Variants in GABRA3 observed in about 807,000 individuals in gnomAD.
GABRA3 encodes gamma-aminobutyric acid receptor subunit alpha-3.
A neutral mutation model predicts 30.1 loss-of-function variants in GABRA3; 10 were observed. The observed-to-expected ratio is 0.33, with a 90% CI of 0.20 to 0.56. The LOEUF is 0.56. GABRA3 is among the 20% of genes least tolerant of loss of function. GABRA3 has a pLI of 0.89. For synonymous variants in GABRA3, 151 were observed against 146.8 expected (o/e 1.03, Z -0.21); for missense variants, 233 against 392.0 (o/e 0.59, Z 3.42).
chrX:152,233,368 C>A (rs1007994005), intron 5 of GABRA3, among the ~76,000 whole-genome samples: 1 of 110,617 alleles, frequency 9.0e-6, no homozygotes, highest in Admixed American at 9.7e-5. Context: ...GTGTTTTAGC[C>A]ATCAAAAAGT....
intron 7 of GABRA3, among the ~76,000 whole-genome samples, chrX:152,205,445 TA>T (rs1370620051): frequency 8.9e-6 from 1 of 112,036 alleles, no homozygotes; most frequent in African/African-American, 3.2e-5. Context: ...TTTATAGCAT[TA>T]AAACACAGAA....
rs759620413 is a variant in GABRA3 at position 152,294,300 on chromosome X, T to C, written c.263-9565A>G. 3.6e-5 allele frequency among the ~76,000 whole-genome samples: 4 copies of C among 111,595 alleles called. No homozygotes were observed. The South Asian group carries it at 1.5e-3, about 42-fold the overall frequency. On this transcript the variant is annotated intron_variant, in intron 3 of 9. Transcript: ENST00000370314. Reference sequence around the variant, plus strand: ...GATTTGGTCTTTTCACATAGTCCCATATTTCTTGGAGGCTCCGTTTGTTTC... The same window carrying C: ...GATTTGGTCTTTTCACATAGTCCCACATTTCTTGGAGGCTCCGTTTGTTTC...
intron 3 of GABRA3, among the ~76,000 whole-genome samples, chrX:152,343,797 T>C (rs1387114665): frequency 8.9e-6 from 1 of 112,479 alleles, no homozygotes; most frequent in Non-Finnish European, 1.9e-5. Flanking sequence ...GTGTTTATTG[T>C]AGTACTATGG....
intron 3 of GABRA3, among the ~76,000 whole-genome samples, chrX:152,298,686 C>G (rs761823092): frequency 1.8e-5 from 2 of 111,064 alleles, no homozygotes; most frequent in Non-Finnish European, 3.8e-5. Context: ...AATAAACATA[C>G]GTGTGCATGT....
chrX:152,172,131 T>C (rs1937011216), intron 9 of GABRA3, among the ~76,000 whole-genome samples: 1 of 111,487 alleles, frequency 9.0e-6, no homozygotes, highest in South Asian at 3.8e-4. Flanking sequence ...AACAACTCAA[T>C]TTAAAAATGG....
At chrX:152,290,822 G>C (rs1603234868) in intron 3 of GABRA3, among the ~76,000 whole-genome samples, 1 of 111,716 alleles carries the variant, frequency 9.0e-6, no homozygotes, top group East Asian at 2.8e-4. Flanking sequence ...TCAGATAGTT[G>C]TAGATATGTG....
Position 152,358,195 on chromosome X carries a change from T to G in GABRA3, c.140+6236A>C, listed in dbSNP as rs140314456. 9.2e-3 allele frequency among the ~76,000 whole-genome samples: 1,034 copies of G among 111,855 alleles called. 7 individuals are homozygous for G. Among genetic ancestry groups the G allele is most frequent in the African/African-American group, 0.032 (984 of 30,772 alleles). ...TCTTCCTATCCATGTGCATGGAATTTTTTTCATTTGTTTGTGTCATCTCTG... is the reference window on the plus strand; with the variant it reads ...TCTTCCTATCCATGTGCATGGAATTGTTTTCATTTGTTTGTGTCATCTCTG... On this transcript the variant is annotated intron_variant, in intron 2 of 9. Coordinates refer to ENST00000370314, the MANE Select transcript of GABRA3 (RefSeq NM_000808.4).
Position 152,255,027 on chromosome X carries a change from T to C in GABRA3, c.551+751A>G, listed in dbSNP as rs182060118. On this transcript the variant is annotated intron_variant, in intron 5 of 9. Coordinates refer to ENST00000370314, the MANE Select transcript of GABRA3 (RefSeq NM_000808.4). ...TCAATGCCTAATAACTCTATGACAG[T>C]AACAAGTTATGAAATACATAAAATT... is the stretch of plus-strand genomic sequence containing the variant. 4.2e-3 allele frequency among the ~76,000 whole-genome samples: 467 copies of C among 111,983 alleles called. 2 individuals carry two copies. The highest frequency in any genetic ancestry group is 0.013 in the African/African-American group (403 of 30,919).
chrX:152,304,045 C>A (rs187760685), intron 3 of GABRA3, among the ~76,000 whole-genome samples: 6 of 111,964 alleles, frequency 5.4e-5, no homozygotes, highest in Non-Finnish European at 1.1e-4. Flanking sequence ...ATTTACATTT[C>A]TCTGATGATT....
At chrX:152,401,195 C>T (rs1051602424) in intron 1 of GABRA3, among the ~76,000 whole-genome samples, 1 of 108,726 alleles carries the variant, frequency 9.2e-6, no homozygotes, top group African/African-American at 3.4e-5. Context: ...AAAGATAATA[C>T]ACTTAGGCTC....
chrX:152,254,638 TCTC>T (rs748594912), intron 5 of GABRA3, among the ~76,000 whole-genome samples: 1 of 111,537 alleles, frequency 9.0e-6, no homozygotes, highest in African/African-American at 3.3e-5. Context: ...TCCTTGACCA[TCTC>T]CTCATCTTCC....
intron 7 of GABRA3, among the ~76,000 whole-genome samples, chrX:152,207,366 G>A (rs763464912): frequency 1.8e-5 from 2 of 111,484 alleles, no homozygotes; most frequent in African/African-American, 6.5e-5. Context: ...AGAATATATC[G>A]TCCCTCAGGC....
At chrX:152,264,296 A>G (rs1938782922) in intron 4 of GABRA3, among the ~76,000 whole-genome samples, 1 of 111,981 alleles carries the variant, frequency 8.9e-6, no homozygotes, top group South Asian at 3.7e-4. Context: ...CATAGACAGT[A>G]GAATAAGATA....
At chrX:152,404,881 A>G (rs1369832553) in intron 1 of GABRA3, among the ~76,000 whole-genome samples, 1 of 108,543 alleles carries the variant, frequency 9.2e-6, no homozygotes, top group Non-Finnish European at 1.9e-5. Flanking sequence ...AGTCTTAAAA[A>G]ATAGTTTAGA....
intron 2 of GABRA3, among the ~76,000 whole-genome samples, chrX:152,359,886 T>C (rs11798711): frequency 0.11 from 12,150 of 111,593 alleles, 531 homozygotes; most frequent in South Asian, 0.13. Flanking sequence ...AAAGTATTAA[T>C]TGCACTGGGC....
At chrX:152,206,991 C>T (rs1157322147) in intron 7 of GABRA3, among the ~76,000 whole-genome samples, 2 of 111,139 alleles carry the variant, frequency 1.8e-5, no homozygotes, top group African/African-American at 3.3e-5. Context: ...TCTGGACTTT[C>T]GACATCTCAG....
intron 3 of GABRA3, among the ~76,000 whole-genome samples, chrX:152,307,414 T>C (rs1431236756): frequency 9.0e-6 from 1 of 111,438 alleles, no homozygotes; most frequent in Non-Finnish European, 1.9e-5. Flanking sequence ...TCATCTCCTA[T>C]GGATTAATTA....
At chrX:152,359,390 G>T (rs1164645114) in intron 2 of GABRA3, among the ~76,000 whole-genome samples, 2 of 109,565 alleles carry the variant, frequency 1.8e-5, no homozygotes, top group Non-Finnish European at 3.8e-5. Context: ...ATTTCTCTGG[G>T]GTCAGCAGTA....
intron 1 of GABRA3, among the ~76,000 whole-genome samples, chrX:152,415,179 C>G (rs1181387200): frequency 9.0e-6 from 1 of 110,837 alleles, no homozygotes; most frequent in Non-Finnish European, 1.9e-5. Context: ...AAAAATGTAT[C>G]TAATATTCAC....
Sources: gnomAD v4.1 joint callset for allele counts (sites outside exome capture counted in the v4.1 genomes callset) on GRCh38, gnomAD v4.1.1 for gene constraint, MANE v1.5 for transcripts, NCBI Gene and HGNC (gene_info 2026-07-23, HGNC 2026-07-21) for gene names.